The following DMD variants were observed in gnomAD, a reference collection of about 807,000 sequenced individuals.
DMD encodes the protein mutant dystrophin.
Under a neutral mutation model 330.1 loss-of-function variants are expected in DMD, and 63 were observed. The observed-to-expected ratio is 0.19, with a 90% CI of 0.16 to 0.24. DMD has a LOEUF of 0.24. DMD is among the 10% of genes least tolerant of loss of function. The pLI, the probability that DMD is intolerant of heterozygous loss-of-function variation, is 1.00. For missense variants in DMD, 3,344 were observed against 2,684.1 expected, an observed-to-expected ratio of 1.25 and a Z score of -5.43; for synonymous variants, 1,223 against 959.8, an observed-to-expected ratio of 1.27 and a Z score of -5.07.
chrX:32,504,389 C>CA (rs1439563639), intron 18 of DMD, among the ~76,000 whole-genome samples: 1 of 111,017 alleles, frequency 9.0e-6, no homozygotes, highest in African/African-American at 3.3e-5. Context: ...TTTGGGGGGC[C>CA]AACGCGGGTG....
chrX:31,570,868 C>G (rs1321679800), intron 55 of DMD, among the ~76,000 whole-genome samples: 1 of 111,550 alleles, frequency 9.0e-6, no homozygotes, highest in African/African-American at 3.3e-5. Context: ...CAGGGAATAT[C>G]GAGTTACTTA....
intron 63 of DMD, among the ~76,000 whole-genome samples, chrX:31,227,586 C>A (rs1404688150): frequency 9.0e-6 from 1 of 111,038 alleles, no homozygotes; most frequent in Non-Finnish European, 1.9e-5. Flanking sequence ...AATGCGGGCT[C>A]TTTTTTGGTT....
chrX:31,233,964 A>G (rs991565651), intron 63 of DMD, among the ~76,000 whole-genome samples: 1 of 111,769 alleles, frequency 8.9e-6, no homozygotes, highest in African/African-American at 3.3e-5. Context: ...ATGATACGCC[A>G]TTAGTTAAAA....
chrX:32,844,133 G>A (rs1328305785), intron 4 of DMD, among the ~76,000 whole-genome samples: 1 of 111,568 alleles, frequency 9.0e-6, no homozygotes, highest in South Asian at 3.7e-4. Context: ...CACCGGGCAC[G>A]GTGGCTCACG....
upstream of DMD, among the ~76,000 whole-genome samples, chrX:33,212,754 G>A (rs2051965849): frequency 8.9e-6 from 1 of 111,843 alleles, no homozygotes; most frequent in Non-Finnish European, 1.9e-5. Flanking sequence ...AAAACATAAG[G>A]CCTAATTTTA....
chrX:31,459,727 AGAGAATTTGGCGTTTCAGGGCT>A (rs1356423971), intron 59 of DMD, among the ~76,000 whole-genome samples: 2 of 112,266 alleles, frequency 1.8e-5, no homozygotes, highest in Non-Finnish European at 3.8e-5. Flanking sequence ...ATTCTGGTTA[AGAGAATTTGGCGTTTCAGGGCT>A]GAGCACACTG....
intron 2 of DMD, among the ~76,000 whole-genome samples, chrX:33,010,444 T>A (rs1157699942): frequency 4.6e-5 from 5 of 109,034 alleles, no homozygotes; most frequent in African/African-American, 1.7e-4. Flanking sequence ...TCCAAAATGC[T>A]CCCAAATCAG....
intron 7 of DMD, among the ~76,000 whole-genome samples, chrX:32,776,147 C>G (rs111922659): frequency 0.054 from 6,062 of 111,303 alleles, 164 homozygotes; most frequent in Non-Finnish European, 0.082. Flanking sequence ...CAGTTCCCAA[C>G]AAGTTCCTCA....
At position 32,784,017 on chromosome X, in the gene DMD, A is replaced by T. The variant is rs1002588969; in HGVS notation, c.649+25476T>A. On this transcript the variant is annotated intron_variant, in intron 7 of 78. Transcript: ENST00000357033. ...TCATGGAGCGGGGGTGGGGGGGGGA[A>T]ATACACACCTGGAACTCATCTGTGT... Among the ~76,000 whole-genome samples, 10 of 106,675 alleles carry T rather than the reference A, an allele frequency of 9.4e-5. 1 individual carries two copies. Among genetic ancestry groups the T allele is most frequent in the African/African-American group, 3.5e-4 (10 of 28,584 alleles). 92.6% of individuals were successfully genotyped at this position (106,675 alleles called of 115,157 possible). A position where few individuals can be genotyped will look rare whatever the true frequency, so the allele number is the denominator to read the frequency against.
At chrX:32,846,723 T>TAAAAAAAAAAAA (rs10564725) in intron 3 of DMD, among the ~76,000 whole-genome samples, 1 of 53,583 alleles carries the variant, frequency 1.9e-5, no homozygotes, top group African/African-American at 6.9e-5. Context: ...ACTTTAGATT[T>TAAAAAAAAAAAA]AAAAAAAAAA....
intron 52 of DMD, among the ~76,000 whole-genome samples, chrX:31,690,771 T>C (rs1157886720): frequency 1.8e-5 from 2 of 111,863 alleles, no homozygotes; most frequent in Non-Finnish European, 3.8e-5. Context: ...ATATACACCA[T>C]GGAATACTAT....
chrX:31,408,405 CT>C (rs748906545), intron 60 of DMD, among the ~76,000 whole-genome samples: 1,358 of 104,951 alleles, frequency 0.013, 8 homozygotes, highest in Non-Finnish European at 0.018. Flanking sequence ...TTTCTTTAAA[CT>C]TTTTTTTTTT....
chrX:31,728,473 C>T (rs2086251705), intron 52 of DMD, among the ~76,000 whole-genome samples: 1 of 112,170 alleles, frequency 8.9e-6, no homozygotes, highest in South Asian at 3.6e-4. Context: ...TTATGAGGTA[C>T]TGAATAAATA....
At chrX:31,819,930 G>A (rs750458764) in intron 50 of DMD, 45 bp downstream of exon 50, 2 of 1,092,732 alleles carry the variant, frequency 1.8e-6, no homozygotes, top group South Asian at 1.8e-5. Flanking sequence ...TTGCACTTTT[G>A]AACAAATAGC....
intron 44 of DMD, among the ~76,000 whole-genome samples, chrX:32,021,077 A>T (rs1163348081): frequency 8.9e-6 from 1 of 112,580 alleles, no homozygotes; most frequent in African/African-American, 3.2e-5. Context: ...ACTGTTGAGA[A>T]ATTTTTAAAC....
At chrX:32,066,480 C>A (rs1227158163) in intron 44 of DMD, among the ~76,000 whole-genome samples, 2 of 111,172 alleles carry the variant, frequency 1.8e-5, no homozygotes, top group African/African-American at 6.5e-5. Context: ...ACCTGACTAC[C>A]CATGTGTACA....
intron 1 of DMD, among the ~76,000 whole-genome samples, chrX:33,268,719 G>T (rs1406364613): frequency 9.0e-6 from 1 of 110,846 alleles, no homozygotes; most frequent in Admixed American, 9.6e-5. Flanking sequence ...ATGAGGCCAG[G>T]AGTTCAAGAC....
chrX:32,124,202 T>TA (rs1411758479), intron 44 of DMD, among the ~76,000 whole-genome samples: 5 of 112,740 alleles, frequency 4.4e-5, no homozygotes, highest in African/African-American at 1.6e-4. Context: ...TATGCTTATT[T>TA]ACTCATCGCA....
chrX:32,593,331 T>G (rs1569269152), intron 13 of DMD, among the ~76,000 whole-genome samples: 3 of 112,860 alleles, frequency 2.7e-5, no homozygotes, highest in Non-Finnish European at 5.6e-5. Flanking sequence ...CAGAGTAATT[T>G]CCTGTCACAA....
Sources: gnomAD v4.1 joint callset for allele counts (sites outside exome capture counted in the v4.1 genomes callset) on GRCh38, gnomAD v4.1.1 for gene constraint, MANE v1.5 for transcripts, NCBI Gene and HGNC (gene_info 2026-07-23, HGNC 2026-07-21) for gene names.